ME1: variants seen among roughly 807,000 people sequenced by gnomAD.
ME1 encodes NADP-dependent malic enzyme.
In ME1, 74 loss-of-function variants were observed where a neutral mutation model predicts 66.4. The observed-to-expected ratio is 1.11, with a 90% CI of 0.92 to 1.35. The LOEUF (loss-of-function observed/expected upper bound fraction) is 1.35. Ranked by LOEUF, ME1 falls within the 40% of genes most tolerant of loss-of-function variation. The probability of loss-of-function intolerance (pLI) is 0.00; values close to 1 mark genes in which losing one functional copy is unlikely to be tolerated. For missense variants in ME1, 750 were observed against 694.1 expected (o/e 1.08, Z -0.90); for synonymous variants, 251 against 235.6 (o/e 1.07, Z -0.60).
chr6:83,256,589 A>T (rs550422226), intron 6 of ME1, among the ~76,000 whole-genome samples: 1 of 152,270 alleles, frequency 6.6e-6, no homozygotes, highest in South Asian at 2.1e-4. Context: ...TTACACTGTT[A>T]ATGGGAGTGT....
intron 6 of ME1, among the ~76,000 whole-genome samples, chr6:83,300,491 A>G (rs894458353): frequency 2.5e-4 from 38 of 152,138 alleles, no homozygotes; most frequent in African/African-American, 8.7e-4. Context: ...TATGCATCTG[A>G]CAAGGTCTAA....
intron 6 of ME1, among the ~76,000 whole-genome samples, chr6:83,297,831 T>C (rs748221642): frequency 3.3e-5 from 5 of 151,504 alleles, no homozygotes; most frequent in African/African-American, 4.8e-5. Context: ...TGAGTTCCTG[T>C]GTAAGTTTGC....
chr6:83,213,291 G>A (rs949521420), intron 13 of ME1, among the ~76,000 whole-genome samples: 1 of 151,174 alleles, frequency 6.6e-6, no homozygotes, highest in East Asian at 2.0e-4. Context: ...GGGTGTGGTG[G>A]TGCATGCCTG....
chr6:83,308,667 G>A (rs1037310674), intron 6 of ME1, among the ~76,000 whole-genome samples: 2 of 150,016 alleles, frequency 1.3e-5, no homozygotes, highest in Non-Finnish European at 3.0e-5. Context: ...AATATTTATT[G>A]AGTACTTATC....
chr6:83,287,490 T>A (rs1245661997), intron 6 of ME1, among the ~76,000 whole-genome samples: 2 of 152,248 alleles, frequency 1.3e-5, no homozygotes, highest in Non-Finnish European at 2.9e-5. Flanking sequence ...AACTCATCAT[T>A]TTTTATGGCT....
At chr6:83,268,186 C>G (rs1187738783) in intron 6 of ME1, among the ~76,000 whole-genome samples, 4 of 151,504 alleles carry the variant, frequency 2.6e-5, no homozygotes, top group Admixed American at 2.6e-4. Context: ...AAGGCCTTCT[C>G]AAAAATAAAA....
chr6:83,218,462 A>G lies in ME1; in HGVS notation c.1450-1866T>C, dbSNP rs76231483. On this transcript the variant is annotated intron_variant, in intron 12 of 13. Transcript: ENST00000369705. Reference sequence around the variant, plus strand: ...GTATGTGTACTTAAGCAGAGAAGAGAATGGGAAAGGGAGAGCCAGACAGAC... The same window carrying G: ...GTATGTGTACTTAAGCAGAGAAGAGGATGGGAAAGGGAGAGCCAGACAGAC... Among the ~76,000 whole-genome samples, 253 of 152,280 alleles carry G rather than the reference A, an allele frequency of 1.7e-3. 1 individual carries two copies. The highest frequency in any genetic ancestry group is 5.8e-3 in the African/African-American group (242 of 41,556).
chr6:83,214,028 T>C (rs1427981120), intron 13 of ME1, among the ~76,000 whole-genome samples: 1 of 152,228 alleles, frequency 6.6e-6, no homozygotes, highest in Non-Finnish European at 1.5e-5. Context: ...TATTGAGATA[T>C]AATTCACACA....
chr6:83,300,799 A>G (rs1332120894), intron 6 of ME1, among the ~76,000 whole-genome samples: 3 of 152,034 alleles, frequency 2.0e-5, no homozygotes, highest in Admixed American at 2.0e-4. Flanking sequence ...AACCAACCCA[A>G]ATGTCCATCA....
rs1032551705 is a variant in ME1 at position 83,237,774 on chromosome 6, T to C, written c.969A>G (p.Pro323=). ...ATATCTTTTTGATGGCTTTCTCTTT[T>C]GGTAAACCTTCTTTTTCCAAGGCCA... ...IVMALEKEGL[P]KEKAIKKIWL... Residue 323 remains proline (P), a synonymous_variant, in exon 9 of 14, where the codon CCA becomes CCG. Transcript: ENST00000369705. The C allele has an allele frequency of 8.1e-6, 13 of 1,609,570 alleles. No homozygotes were observed. Among genetic ancestry groups the C allele is most frequent in the Non-Finnish European group, 1.1e-5 (13 of 1,177,810 alleles).
Position 83,402,681 on chromosome 6 carries a change from G to C in ME1, c.213-4165C>G, listed in dbSNP as rs78443792. Among the ~76,000 whole-genome samples the C allele has an allele frequency of 5.2e-3, 786 of 152,246 alleles. 8 individuals carry two copies. The highest frequency in any genetic ancestry group is 0.018 in the African/African-American group (731 of 41,550). ...GTAGCTCTTAGTATTACCATGCCCT[G>C]TGATTAAAGCTAATGAAAACAACAA... On this transcript the variant is annotated intron_variant, in intron 2 of 13. Transcript: ENST00000369705.
chr6:83,324,404 T>C (rs534984334), intron 5 of ME1, among the ~76,000 whole-genome samples: 3 of 151,818 alleles, frequency 2.0e-5, no homozygotes, highest in African/African-American at 4.8e-5. Flanking sequence ...CAGGAGCTGG[T>C]TTTTTGAAAA....
chr6:83,371,968 C>T (rs1353375566), intron 3 of ME1, among the ~76,000 whole-genome samples: 3 of 152,108 alleles, frequency 2.0e-5, no homozygotes, highest in Non-Finnish European at 4.4e-5. Context: ...GATTCCATGG[C>T]ACCCTATATT....
intron 5 of ME1, among the ~76,000 whole-genome samples, chr6:83,326,865 C>A (rs1368923408): frequency 1.3e-5 from 2 of 152,146 alleles, no homozygotes; most frequent in Non-Finnish European, 2.9e-5. Flanking sequence ...AATCATTTGA[C>A]CCAGCAATCC....
chr6:83,328,068 A>G (rs1042654539), intron 5 of ME1, among the ~76,000 whole-genome samples: 1 of 152,244 alleles, frequency 6.6e-6, no homozygotes, highest in African/African-American at 2.4e-5. Context: ...AACCAATCCA[A>G]ATGCCCATCA....
At chr6:83,393,871 A>C (rs1476009136) in intron 3 of ME1, among the ~76,000 whole-genome samples, 1 of 152,098 alleles carries the variant, frequency 6.6e-6, no homozygotes, top group African/African-American at 2.4e-5. Context: ...TAGTTCATAC[A>C]GTATGACCCT....
intron 5 of ME1, among the ~76,000 whole-genome samples, chr6:83,317,892 C>T (rs1284715906): frequency 6.6e-6 from 1 of 152,104 alleles, no homozygotes; most frequent in African/African-American, 2.4e-5. Context: ...CACTACCTGA[C>T]TTCAAACTAT....
intron 6 of ME1, among the ~76,000 whole-genome samples, chr6:83,277,267 A>T (rs1767200393): frequency 6.6e-6 from 1 of 152,244 alleles, no homozygotes; most frequent in African/African-American, 2.4e-5. Context: ...TAAGTTGTGT[A>T]ATGCTGACTC....
intron 3 of ME1, among the ~76,000 whole-genome samples, chr6:83,396,425 G>A (rs565195314): frequency 2.1e-4 from 32 of 152,124 alleles, no homozygotes; most frequent in African/African-American, 7.5e-4. Context: ...CCAAAGAGGT[G>A]AAATATCTGT....
Sources: allele counts gnomAD v4.1 joint callset (sites outside exome capture counted in the v4.1 genomes callset), GRCh38; gene constraint gnomAD v4.1.1; transcripts MANE v1.5; gene names NCBI Gene and HGNC (gene_info 2026-07-23, HGNC 2026-07-21).